Variants in SLC39A11 observed in about 807,000 individuals in gnomAD.
SLC39A11 encodes the protein zinc transporter ZIP11.
Under a neutral mutation model 36.1 loss-of-function variants are expected in SLC39A11, and 33 were observed. The observed-to-expected ratio is 0.91, with a 90% CI of 0.69 to 1.22. The LOEUF is 1.22. Ranked by LOEUF, SLC39A11 falls within the 50% of genes most tolerant of loss-of-function variation. SLC39A11 has a pLI of 0.00. For missense variants in SLC39A11, 432 were observed against 430.3 expected (o/e 1.00, Z -0.03); for synonymous variants, 166 against 170.3 (o/e 0.97, Z 0.20).
At chr17:72,736,509 C>T in intron 7 of SLC39A11, 141 bp downstream of exon 7, 2 of 691,430 alleles carry the variant, frequency 2.9e-6, no homozygotes, top group Non-Finnish European at 5.2e-6. Flanking sequence ...TCACCGGACC[C>T]CATGTGGCCT....
intron 3 of SLC39A11, among the ~76,000 whole-genome samples, chr17:73,081,657 ACACACAC>A (rs2060519203): frequency 2.7e-5 from 2 of 74,648 alleles, no homozygotes; most frequent in African/African-American, 4.1e-5. Flanking sequence ...ACACACACAC[ACACACAC>A]ACACACATAT....
intron 5 of SLC39A11, among the ~76,000 whole-genome samples, chr17:72,869,636 TCCTC>T (rs1334152500): frequency 1.5e-4 from 23 of 151,668 alleles, no homozygotes; most frequent in African/African-American, 5.1e-4. Context: ...CACCTCGGCC[TCCTC>T]GGCCTCCCAA....
chr17:72,973,775 G>C (rs576757649), intron 4 of SLC39A11, among the ~76,000 whole-genome samples: 1 of 152,208 alleles, frequency 6.6e-6, no homozygotes, highest in East Asian at 1.9e-4. Flanking sequence ...TGCCTAAGCT[G>C]GTCTTGAACT....
chr17:72,670,789 G>A (rs1036263638), intron 7 of SLC39A11, among the ~76,000 whole-genome samples: 2 of 152,122 alleles, frequency 1.3e-5, no homozygotes, highest in African/African-American at 2.4e-5. Context: ...CTTACCTTCT[G>A]GCATCCCAAG....
intron 5 of SLC39A11, among the ~76,000 whole-genome samples, chr17:72,864,715 CCCTG>C (rs2080216244): frequency 6.6e-6 from 1 of 152,200 alleles, no homozygotes; most frequent in African/African-American, 2.4e-5. Context: ...AAAATTCCCT[CCCTG>C]CCTAAGAGCC....
intron 3 of SLC39A11, among the ~76,000 whole-genome samples, chr17:73,056,002 GTCTT>G (rs1192176538): frequency 2.0e-5 from 3 of 152,114 alleles, no homozygotes; most frequent in Non-Finnish European, 4.4e-5. Flanking sequence ...TGCTGTAATT[GTCTT>G]TCTGATACTT....
intron 3 of SLC39A11, among the ~76,000 whole-genome samples, chr17:73,074,188 G>T (rs2060247134): frequency 6.6e-6 from 1 of 151,982 alleles, no homozygotes; most frequent in African/African-American, 2.4e-5. Context: ...CAAAGACCCT[G>T]AATTCAATGA....
At chr17:72,758,837 G>A (rs16977367) in intron 6 of SLC39A11, among the ~76,000 whole-genome samples, 18,792 of 152,140 alleles carry the variant, frequency 0.12, 1,279 homozygotes, top group African/African-American at 0.18. Flanking sequence ...ACTTGTATAC[G>A]CCAACCGGAA....
At chr17:72,739,745 C>T (rs182674576) in intron 6 of SLC39A11, among the ~76,000 whole-genome samples, 1 of 152,142 alleles carries the variant, frequency 6.6e-6, no homozygotes, top group Non-Finnish European at 1.5e-5. Flanking sequence ...GGAGTCAGCA[C>T]CACCAGAGCA....
At chr17:72,920,601 CT>C (rs201850893) in intron 5 of SLC39A11, among the ~76,000 whole-genome samples, 2,994 of 150,010 alleles carry the variant, frequency 0.02, 64 homozygotes, top group Middle Eastern at 0.039. Flanking sequence ...TTCCCACCCC[CT>C]CTACAACTAC....
At chr17:73,057,676 G>A (rs1373205623) in intron 3 of SLC39A11, among the ~76,000 whole-genome samples, 9 of 152,180 alleles carry the variant, frequency 5.9e-5, no homozygotes, top group South Asian at 2.1e-4. Context: ...GGTGGCTCAC[G>A]CCTGTAATCC....
chr17:72,776,512 A>G (rs1419025757), intron 6 of SLC39A11, among the ~76,000 whole-genome samples: 1 of 151,440 alleles, frequency 6.6e-6, no homozygotes, highest in Non-Finnish European at 1.5e-5. Context: ...ATTATTCTCT[A>G]TATCAAAATA....
At chr17:72,820,682 G>A (rs62071202) in intron 6 of SLC39A11, among the ~76,000 whole-genome samples, 13,063 of 151,264 alleles carry the variant, frequency 0.086, 964 homozygotes, top group Middle Eastern at 0.13. Flanking sequence ...AAAGGCAAAC[G>A]ATGGACGCTA....
intron 7 of SLC39A11, among the ~76,000 whole-genome samples, chr17:72,663,424 C>T (rs764682517): frequency 1.3e-5 from 2 of 152,174 alleles, no homozygotes; most frequent in African/African-American, 2.4e-5. Flanking sequence ...TAAGCAAACC[C>T]ATGAAACCCA....
chr17:72,988,816 C>T (rs2088955340), intron 4 of SLC39A11, among the ~76,000 whole-genome samples: 1 of 152,192 alleles, frequency 6.6e-6, no homozygotes, highest in Admixed American at 6.5e-5. Flanking sequence ...TCAAGTGATC[C>T]TCCCACCTCA....
intron 9 of SLC39A11, among the ~76,000 whole-genome samples, chr17:72,648,366 AAAC>A (rs2069675247): frequency 6.8e-6 from 1 of 146,418 alleles, no homozygotes; most frequent in Non-Finnish European, 1.5e-5. Flanking sequence ...AAACAAAACA[AAAC>A]AACAACAAAA....
chr17:73,028,824 A>C (rs1046219843), intron 4 of SLC39A11, among the ~76,000 whole-genome samples: 1 of 151,888 alleles, frequency 6.6e-6, no homozygotes, highest in African/African-American at 2.4e-5. Flanking sequence ...AAAAAAAAAA[A>C]AACACTGCTG....
intron 5 of SLC39A11, among the ~76,000 whole-genome samples, chr17:72,942,064 A>T (rs71380150): frequency 0.48 from 71,090 of 148,532 alleles, 19,354 homozygotes; most frequent in South Asian, 0.66. Context: ...TATTATTATT[A>T]TTTTTTTTTT....
chr17:73,026,065 C>T (rs1194450086), intron 4 of SLC39A11, among the ~76,000 whole-genome samples: 2 of 151,156 alleles, frequency 1.3e-5, no homozygotes, highest in African/African-American at 4.9e-5. Flanking sequence ...TCGCAATGAG[C>T]CAAGATTGAG....
Sources: allele counts gnomAD v4.1 joint callset (sites outside exome capture counted in the v4.1 genomes callset), GRCh38; gene constraint gnomAD v4.1.1; transcripts MANE v1.5; gene names NCBI Gene and HGNC (gene_info 2026-07-23, HGNC 2026-07-21).